Variants in VWA5A observed in about 807,000 individuals in gnomAD.
VWA5A encodes von Willebrand factor A domain containing 5A.
VWA5A carries 77 observed loss-of-function variants against 84.6 expected under a neutral mutation model. The observed-to-expected ratio is 0.91, with a 90% CI of 0.76 to 1.10. VWA5A has a LOEUF of 1.10. VWA5A is among the 50% of genes least tolerant of loss of function. The pLI, the probability that VWA5A is intolerant of heterozygous loss-of-function variation, is 0.00. For synonymous variants in VWA5A, 334 were observed against 350.1 expected (o/e 0.95, Z 0.51); for missense variants, 973 against 963.0 (o/e 1.01, Z -0.14).
chr11:124,136,098 T>C (rs1380676908), intron 12 of VWA5A, 31 bp from the exon 13 acceptor site: 1 of 1,603,348 alleles, frequency 6.2e-7, no homozygotes, highest in Middle Eastern at 1.7e-4. Flanking sequence ...CTGTATCATT[T>C]GTGTTTATTC....
At position 124,147,326 on chromosome 11, in the gene VWA5A, C is replaced by A. The variant is rs1252618883; in HGVS notation, c.*1381C>A. ...GATTTCACCCTCAGGCACTTAATAT[C>A]CTCATCTGTAAAACTAAGGGATTAA... is the stretch of plus-strand genomic sequence containing the variant. On this transcript the variant is annotated 3_prime_UTR_variant, in exon 19 of 19. Transcript: ENST00000456829. 2.0e-5 allele frequency: 3 copies of A among 152,196 alleles called. No individual in the cohort carries two copies. The highest frequency in any genetic ancestry group is 2.0e-4 in the Admixed American group (3 of 15,284). 9.4% of individuals were successfully genotyped at this position (152,196 alleles called of 1,614,324 possible).
rs1338446308 is a variant in VWA5A, at chr11:124,118,374, G to A, written c.432G>A (p.Val144=). ...PLEADGALRF[V]LPAVLNPRYQ... is the part of the protein sequence containing the mutation. The stretch of plus-strand genomic sequence containing the variant: ...AAGCAGATGGGGCTCTGCGCTTTGT[G>A]CTCCCAGCTGTCCTGAATCCTAGAT... The change falls in exon 5 of 19, where the codon GTG becomes GTA. Residue 144 remains valine, a synonymous_variant. Transcript: ENST00000456829. 6.2e-7 allele frequency: 1 copy of A among 1,614,084 alleles called. No individual in the cohort carries two copies. Among genetic ancestry groups the A allele is most frequent in the Non-Finnish European group, 8.5e-7 (1 of 1,180,038 alleles).
In VWA5A at chr11:124,137,001, T is replaced by A. The variant is rs1254259378; in HGVS notation, c.1626-14T>A. 8.1e-6 allele frequency: 13 copies of A among 1,603,286 alleles called. No homozygotes were observed. Among genetic ancestry groups the A allele is most frequent in the African/African-American group, 4.1e-5 (3 of 73,876 alleles). On this transcript the variant is annotated splice_polypyrimidine_tract_variant and intron_variant, in intron 14 of 18. Coordinates refer to ENST00000456829, the MANE Select transcript of VWA5A (RefSeq NM_001130142.2). ...TTTCCCTACATTTCAGTACTTTTTTTTTTTTCCTTTCAGCCTCACCATTCA... is the reference window on the plus strand; with the variant it reads ...TTTCCCTACATTTCAGTACTTTTTTATTTTTCCTTTCAGCCTCACCATTCA...
At position 124,123,073 on chromosome 11, in the gene VWA5A, A is replaced by G. The variant is rs758145066; in HGVS notation, c.874A>G (p.Met292Val). 2 of 1,614,140 alleles carry G rather than the reference A, an allele frequency of 1.2e-6. No individual in the cohort carries two copies. The highest frequency in any genetic ancestry group is 1.7e-6 in the Non-Finnish European group (2 of 1,180,030). ...CTTTCTCATGGACCGCTCGGGAAGT[A>G]TGCAGAGCCCCATGAGTAGCCAGGA... ...FIFLMDRSGSMQSPMSSQDTS... is the reference protein window; with the variant it reads ...FIFLMDRSGSVQSPMSSQDTS... Residue 292 changes from methionine (M) to valine (V), a missense_variant, in exon 8 of 19, where the codon ATG becomes GTG. Met to Val is a conservative substitution (Grantham distance 21, BLOSUM62 1). Transcript: ENST00000456829.
chr11:124,122,165 T>C (rs564662765), intron 7 of VWA5A, among the ~76,000 whole-genome samples: 1 of 152,362 alleles, frequency 6.6e-6, no homozygotes, highest in Admixed American at 6.5e-5. Context: ...TAAAGGAATT[T>C]AATTATATAG....
chr11:124,136,755 TCCC>T lies in VWA5A; in HGVS notation c.1625+82_1625+84del, dbSNP rs1565620843. The stretch of plus-strand genomic sequence containing the variant: ...TTCCTTCCTTCCTTCCTTCATTCCC[TCCC>T]TCCCTCCCTCCCTCCCTCCCTCCTT... On this transcript the variant is annotated intron_variant, in intron 14 of 18. Coordinates refer to ENST00000456829, the MANE Select transcript of VWA5A (RefSeq NM_001130142.2). 3.7e-4 allele frequency: 224 copies of T among 600,036 alleles called. 1 individual carries two copies. Among genetic ancestry groups the T allele is most frequent in the Middle Eastern group, 1.4e-3 (3 of 2,120 alleles). 37.2% of individuals were successfully genotyped at this position (600,036 alleles called of 1,614,324 possible).
chr11:124,144,547 G>T (rs967737057), intron 17 of VWA5A, among the ~76,000 whole-genome samples: 3 of 152,210 alleles, frequency 2.0e-5, no homozygotes, highest in African/African-American at 7.2e-5. Flanking sequence ...ATTCTAATCT[G>T]AAATAAGACC....
Position 124,141,795 on chromosome 11 carries a change from A to G in VWA5A, c.2023+54A>G. The G allele has an allele frequency of 1.9e-6, 3 of 1,579,026 alleles. No homozygotes were observed. In the South Asian group the frequency reaches 3.5e-5, roughly 19 times the overall value. ...AACAATGTTTTTCTGTCACATATAC[A>G]GGACTAGGCAAGCTAAAAGCTTGTA... On this transcript the variant is annotated intron_variant, in intron 16 of 18. Transcript: ENST00000456829.
At chr11:124,143,680 C>T (rs1356657586) in intron 17 of VWA5A, among the ~76,000 whole-genome samples, 1 of 151,858 alleles carries the variant, frequency 6.6e-6, no homozygotes, top group Non-Finnish European at 1.5e-5. Context: ...AATTTGGCTA[C>T]CAGAAAATTT....
chr11:124,129,982 G>T (rs2226631), intron 11 of VWA5A, among the ~76,000 whole-genome samples: 23,299 of 152,028 alleles, frequency 0.15, 2,377 homozygotes, highest in East Asian at 0.52. Context: ...ATCTCCTTCA[G>T]TTCTGCCCTG....
chr11:124,147,563 G>C lies in VWA5A; in HGVS notation c.*1618G>C, dbSNP rs1022702423. 6.6e-6 allele frequency: 1 copy of C among 152,176 alleles called. No individual in the cohort carries two copies. The highest frequency in any genetic ancestry group is 1.5e-5 in the Non-Finnish European group (1 of 68,038). 9.4% of individuals were successfully genotyped at this position (152,176 alleles called of 1,614,324 possible). On this transcript the variant is annotated 3_prime_UTR_variant, in exon 19 of 19. Transcript: ENST00000456829. ...TATGCTGAATGTGATCTGCGGAACA[G>C]GGTTGTTAGAAATGCAGCTTTTTAG... is the stretch of plus-strand genomic sequence containing the variant.
Position 124,118,259 on chromosome 11 carries a change from C to T in VWA5A, c.317C>T (p.Ser106Phe), listed in dbSNP as rs1387439537. The T allele has an allele frequency of 1.2e-6, 2 of 1,614,062 alleles. No homozygotes were observed. The highest frequency in any genetic ancestry group is 2.2e-5 in the East Asian group (1 of 44,886). ...QAFLLEGDSS[S>F]RDVFSCNVGN... is the part of the protein sequence containing the mutation. The stretch of plus-strand genomic sequence containing the variant: ...TTCTTATTGGAGGGGGACAGCAGCT[C>T]CAGGGATGTCTTCTCTTGCAATGTG... Residue 106 changes from serine (S) to phenylalanine (F), a missense_variant, in exon 5 of 19, where the codon TCC becomes TTC. Ser to Phe is a radical substitution (Grantham distance 155, BLOSUM62 -2). Coordinates refer to ENST00000456829, the MANE Select transcript of VWA5A (RefSeq NM_001130142.2).
Position 124,117,783 on chromosome 11 carries a change from G to T in VWA5A, c.154G>T (p.Val52Leu), listed in dbSNP as rs572944015. The stretch of plus-strand genomic sequence containing the variant: ...GAAAGTTCCTTTGGAGGCCTTCTTT[G>T]TGTTCCCCATGGATGAAGACTCTGC... The part of the protein sequence containing the change: ...EEKVPLEAFF[V>L]FPMDEDSAVY... The change falls in exon 4 of 19, where the codon GTG becomes TTG. Residue 52 changes from valine (V) to leucine (L), a missense_variant. Coordinates refer to ENST00000456829, the MANE Select transcript of VWA5A (RefSeq NM_001130142.2). 7 of 1,614,090 alleles carry T rather than the reference G, an allele frequency of 4.3e-6. No individual in the cohort carries two copies. In the Admixed American group the frequency reaches 1.0e-4, roughly 23 times the overall value.
intron 10 of VWA5A, 96 bp from the exon 11 acceptor site, chr11:124,124,141 C>A: frequency 8.5e-7 from 1 of 1,172,256 alleles, no homozygotes; most frequent in Non-Finnish European, 1.2e-6. Flanking sequence ...GCACCAGAGC[C>A]TCTGCAATGA....
intron 11 of VWA5A, among the ~76,000 whole-genome samples, chr11:124,130,995 C>A (rs1346451761): frequency 1.3e-5 from 2 of 151,976 alleles, no homozygotes; most frequent in East Asian, 3.8e-4. Flanking sequence ...GTATTTATGT[C>A]TTCTTTTCTA....
At position 124,141,673 on chromosome 11, in the gene VWA5A, C is replaced by T; in HGVS notation, c.1955C>T (p.Ala652Val). 2 of 1,614,066 alleles carry T rather than the reference C, an allele frequency of 1.2e-6. No homozygotes were observed. The highest frequency in any genetic ancestry group is 1.7e-6 in the Non-Finnish European group (2 of 1,180,016). ...QPRGELMCYK[A>V]KTFQMDDYSL... Reference sequence around the variant, plus strand: ...AGAGGGGAACTTATGTGTTATAAGGCCAAGACATTCCAGATGGACGATTAC... The same window carrying T: ...AGAGGGGAACTTATGTGTTATAAGGTCAAGACATTCCAGATGGACGATTAC... The change falls in exon 16 of 19, where the codon GCC becomes GTC. Residue 652 changes from alanine to valine, a missense_variant. Physicochemically the swap from Ala to Val is moderately conservative, Grantham distance 64. Transcript: ENST00000456829.
intron 12 of VWA5A, among the ~76,000 whole-genome samples, 171 bp downstream of exon 12, chr11:124,135,205 T>A (rs10790636): frequency 2.0e-4 from 31 of 152,182 alleles, no homozygotes; most frequent in Non-Finnish European, 7.3e-5. Context: ...TGGCCTCATG[T>A]AATAGAAGCC....
chr11:124,134,210 C>A (rs1187572555), intron 11 of VWA5A, among the ~76,000 whole-genome samples: 1 of 152,134 alleles, frequency 6.6e-6, no homozygotes, highest in East Asian at 1.9e-4. Context: ...AAGCGTAGAG[C>A]ATTGATCCTA....
In VWA5A at chr11:124,122,981, C is replaced by T. The variant is rs1222498985; in HGVS notation, c.782C>T (p.Ser261Phe). The T allele has an allele frequency of 6.2e-6, 10 of 1,613,740 alleles. No individual in the cohort carries two copies. Among genetic ancestry groups the T allele is most frequent in the Non-Finnish European group, 8.5e-6 (10 of 1,179,956 alleles). The change falls in exon 8 of 19, where the codon TCT (serine) becomes TTT (phenylalanine). Residue 261 changes from serine (S) to phenylalanine (F), a missense_variant. By Grantham distance (155) the Ser-to-Phe change is radical. Transcript: ENST00000456829. ...ACAGGTCATTTGATGGGAGATCCAT[C>T]TGCAATGGTGAGTTTCTATCCAAAT... ...MKPGHLMGDP[S>F]AMVSFYPNIP...
Sources: gnomAD v4.1 joint callset for allele counts (sites outside exome capture counted in the v4.1 genomes callset) on GRCh38, gnomAD v4.1.1 for gene constraint, MANE v1.5 for transcripts, NCBI Gene and HGNC (gene_info 2026-07-23, HGNC 2026-07-21) for gene names.